The following PCDHA10 variants were observed in gnomAD, a reference collection of about 807,000 sequenced individuals.
PCDHA10 encodes protocadherin alpha-10.
Under a neutral mutation model 61.2 loss-of-function variants are expected in PCDHA10, and 45 were observed. That is an observed-to-expected ratio of 0.74 (90% CI 0.58 to 0.94). The LOEUF is 0.94. Ranked by LOEUF, PCDHA10 falls within the 40% of genes least tolerant of loss-of-function variation. PCDHA10 has a pLI of 0.00. For missense variants in PCDHA10, 1,278 were observed against 1,236.2 expected (o/e 1.03, Z -0.51); for synonymous variants, 602 against 548.8 (o/e 1.10, Z -1.35).
intron 1 of PCDHA10, among the ~76,000 whole-genome samples, chr5:140,951,706 G>A (rs2094621330): frequency 6.6e-6 from 1 of 152,060 alleles, no homozygotes; most frequent in African/African-American, 2.4e-5. Context: ...CTTTGGGCGG[G>A]GACACAGATC....
chr5:140,966,385 G>C (rs1486179807), intron 1 of PCDHA10: 1 of 405,050 alleles, frequency 2.5e-6, no homozygotes, highest in East Asian at 3.6e-5. Flanking sequence ...CGGGTTCGCT[G>C]TCCGCCACTT....
At chr5:140,948,098 AT>A (rs1400798416) in intron 1 of PCDHA10, among the ~76,000 whole-genome samples, 2 of 151,502 alleles carry the variant, frequency 1.3e-5, no homozygotes, top group African/African-American at 4.8e-5. Flanking sequence ...TGAGCATATG[AT>A]TTTTCTTCGT....
chr5:140,967,817 G>A, intron 1 of PCDHA10: 1 of 1,614,182 alleles, frequency 6.2e-7, no homozygotes. Context: ...TCACTGCAAG[G>A]TGCTGGTGGA....
chr5:140,889,400 A>T (rs187751360), intron 1 of PCDHA10, among the ~76,000 whole-genome samples: 1 of 152,050 alleles, frequency 6.6e-6, no homozygotes, highest in Admixed American at 6.5e-5. Context: ...AGTTTAATTT[A>T]CTCGAGTCAG....
chr5:140,890,220 C>A (rs955015481), intron 1 of PCDHA10, among the ~76,000 whole-genome samples: 18 of 152,044 alleles, frequency 1.2e-4, no homozygotes, highest in Non-Finnish European at 2.6e-4. Flanking sequence ...TCCCAGAGAC[C>A]TAGTTGTTAA....
At chr5:141,000,833 G>A (rs1554257850) in intron 3 of PCDHA10, among the ~76,000 whole-genome samples, 2 of 151,930 alleles carry the variant, frequency 1.3e-5, no homozygotes, top group Non-Finnish European at 2.9e-5. Flanking sequence ...CTTGAGTCCA[G>A]GAGATCCAGT....
At chr5:140,864,420 G>T (rs1430010861) in intron 1 of PCDHA10, 1 of 152,158 alleles carries the variant, frequency 6.6e-6, no homozygotes, top group African/African-American at 2.4e-5. Context: ...AGGCAGCTTC[G>T]TCCACAAACA....
chr5:140,870,133 G>A, intron 1 of PCDHA10: 1 of 1,613,974 alleles, frequency 6.2e-7, no homozygotes, highest in African/African-American at 1.3e-5. Context: ...GGACACCAAC[G>A]ATAACTCTCC....
At chr5:140,872,083 C>G (rs377675529) in intron 1 of PCDHA10, among the ~76,000 whole-genome samples, 1 of 152,284 alleles carries the variant, frequency 6.6e-6, no homozygotes, top group East Asian at 1.9e-4. Context: ...TGCAGTGCCA[C>G]TGCACTTAGT....
At chr5:140,876,309 TG>T (rs782243460) in intron 1 of PCDHA10, 8 of 1,613,946 alleles carry the variant, frequency 5.0e-6, no homozygotes, top group Non-Finnish European at 6.8e-6. Flanking sequence ...AAATTTCCTA[TG>T]GGATCAAAAT....
intron 1 of PCDHA10, among the ~76,000 whole-genome samples, chr5:140,888,380 A>G (rs1348796416): frequency 6.6e-6 from 1 of 152,192 alleles, no homozygotes; most frequent in East Asian, 1.9e-4. Context: ...GAGCTCTGAG[A>G]TGCTGCTAAA....
chr5:140,972,287 G>T (rs2096528818), intron 1 of PCDHA10, among the ~76,000 whole-genome samples: 1 of 151,036 alleles, frequency 6.6e-6, no homozygotes, highest in Non-Finnish European at 1.5e-5. Flanking sequence ...CCATAGATGT[G>T]CGCCACCGTG....
intron 1 of PCDHA10, among the ~76,000 whole-genome samples, chr5:140,910,047 A>G (rs1454501128): frequency 2.0e-5 from 3 of 152,208 alleles, no homozygotes; most frequent in African/African-American, 4.8e-5. Context: ...CTTGGTCATA[A>G]TAAGTGATCT....
intron 1 of PCDHA10, among the ~76,000 whole-genome samples, chr5:140,897,693 G>A (rs1327367730): frequency 6.6e-6 from 1 of 152,008 alleles, no homozygotes; most frequent in African/African-American, 2.4e-5. Context: ...TAGTCCTTTG[G>A]GCATATACCC....
chr5:140,946,763 C>T (rs1453017337), intron 1 of PCDHA10, among the ~76,000 whole-genome samples: 1 of 151,160 alleles, frequency 6.6e-6, no homozygotes, highest in Non-Finnish European at 1.5e-5. Context: ...TGATCTCATT[C>T]ATGTGGAATG....
rs1188351170 is a variant in PCDHA10, at chr5:140,929,610, T to C, written c.2389-49339T>C. 7.3e-6 allele frequency: 3 copies of C among 408,442 alleles called. No individual in the cohort carries two copies. The South Asian group carries it at 4.1e-4, about 55-fold the overall frequency. 25.3% of individuals were successfully genotyped at this position (408,442 alleles called of 1,614,324 possible). On this transcript the variant is annotated intron_variant, in intron 1 of 3. Transcript: ENST00000307360. ...TAAAGGTCTAAAATTAAAAATAAAA[T>C]ACCAAAATATTTTATAAGCAACAGA...
intron 1 of PCDHA10, chr5:140,882,941 A>G (rs2059372388): frequency 6.2e-7 from 1 of 1,614,128 alleles, no homozygotes; most frequent in African/African-American, 1.3e-5. Context: ...GCTGACTGGC[A>G]CAGTTCAGCT....
At chr5:140,866,823 A>G (rs1375177663) in intron 1 of PCDHA10, 1 of 152,130 alleles carries the variant, frequency 6.6e-6, no homozygotes, top group Non-Finnish European at 1.5e-5. Context: ...TTAATCTTCA[A>G]TTGATTTTAC....
chr5:141,001,670 C>T (rs1554258276), intron 3 of PCDHA10, among the ~76,000 whole-genome samples: 1 of 151,900 alleles, frequency 6.6e-6, no homozygotes, highest in African/African-American at 2.4e-5. Flanking sequence ...CTTGTCCAGT[C>T]GGTCCAACAA....
Sources: gnomAD v4.1 joint callset for allele counts (sites outside exome capture counted in the v4.1 genomes callset) on GRCh38, gnomAD v4.1.1 for gene constraint, MANE v1.5 for transcripts, NCBI Gene and HGNC (gene_info 2026-07-23, HGNC 2026-07-21) for gene names.